IDO2: variants seen among roughly 807,000 people sequenced by gnomAD.
IDO2 encodes the protein indoleamine 2,3-dioxygenase 2.
IDO2 carries 46 observed loss-of-function variants against 45.1 expected under a neutral mutation model. The observed-to-expected ratio is 1.02, with a 90% CI of 0.80 to 1.30. The LOEUF (loss-of-function observed/expected upper bound fraction) is 1.30. IDO2 is among the 50% of genes most tolerant of loss of function. The probability of loss-of-function intolerance (pLI) is 0.00; values close to 1 mark genes in which losing one functional copy is unlikely to be tolerated. For missense variants in IDO2, 544 were observed against 491.8 expected (o/e 1.11, Z -1.00); for synonymous variants, 218 against 184.9 (o/e 1.18, Z -1.45).
At chr8:39,943,145 A>G (rs1421555102) in intron 1 of IDO2, among the ~76,000 whole-genome samples, 1 of 151,914 alleles carries the variant, frequency 6.6e-6, no homozygotes, top group Non-Finnish European at 1.5e-5. Flanking sequence ...AGGTGGGTGG[A>G]TCACTTGAGG....
chr8:39,986,671 GAGATAGATAGATAGATAGATAGATAGAT>G (rs56228406), intron 6 of IDO2, among the ~76,000 whole-genome samples: 1 of 143,578 alleles, frequency 7.0e-6, no homozygotes, highest in Non-Finnish European at 1.5e-5. Flanking sequence ...GTACAGCATT[GAGATAGATAGATAGATAGATAGATAGAT>G]AGATAGATAG....
chr8:40,016,168 G>T, exon 11 of IDO2: 2 of 396,962 alleles, frequency 5.0e-6, no homozygotes, highest in South Asian at 2.6e-4. Flanking sequence ...GTGTGAAAAT[G>T]AGCAGTTAAT....
chr8:40,012,722 C>G (rs1165993069), intron 9 of IDO2, among the ~76,000 whole-genome samples: 1 of 151,302 alleles, frequency 6.6e-6, no homozygotes, highest in African/African-American at 2.4e-5. Context: ...ATCAGGAAGA[C>G]AAAGGAGAGG....
At chr8:39,979,632 C>T (rs1055836632) in intron 4 of IDO2, among the ~76,000 whole-genome samples, 6 of 152,090 alleles carry the variant, frequency 3.9e-5, no homozygotes, top group African/African-American at 7.2e-5. Flanking sequence ...GGATTATAGG[C>T]GTGAGCCACT....
At chr8:39,987,765 C>A in intron 6 of IDO2, 106 bp from the exon 7 acceptor site, 1 of 655,908 alleles carries the variant, frequency 1.5e-6, no homozygotes, top group South Asian at 1.9e-5. Context: ...GAAAGTTGTG[C>A]AGTGATTCCA....
At chr8:40,000,153 CCTGTAATCCCAGCACT>C in intron 8 of IDO2, among the ~76,000 whole-genome samples, 1 of 152,216 alleles carries the variant, frequency 6.6e-6, no homozygotes, top group East Asian at 1.9e-4. Flanking sequence ...GTGGATCACA[CCTGTAATCCCAGCACT>C]CTGGGAGGCT....
intron 10 of IDO2, among the ~76,000 whole-genome samples, 161 bp from the exon 11 acceptor site, chr8:40,015,086 C>T (rs146701691): frequency 6.6e-6 from 1 of 151,776 alleles, no homozygotes; most frequent in East Asian, 1.9e-4. Flanking sequence ...AACTCAGGGG[C>T]AGAGGTGGCA....
At chr8:39,956,920 G>A (rs967400996) in intron 2 of IDO2, among the ~76,000 whole-genome samples, 17 of 151,496 alleles carry the variant, frequency 1.1e-4, no homozygotes, top group Non-Finnish European at 1.9e-4. Flanking sequence ...GTATACACCT[G>A]TAGTCCCAGC....
At chr8:39,969,129 T>G (rs1377182019) in intron 3 of IDO2, among the ~76,000 whole-genome samples, 1 of 152,200 alleles carries the variant, frequency 6.6e-6, no homozygotes, top group Non-Finnish European at 1.5e-5. Context: ...GCTTTACATG[T>G]AGTCATACCT....
chr8:39,935,437 G>A (rs1329092977), intron 1 of IDO2, among the ~76,000 whole-genome samples: 1 of 142,740 alleles, frequency 7.0e-6, no homozygotes, highest in African/African-American at 2.5e-5. Flanking sequence ...TGTTGTTGTT[G>A]TTGTTGTTGT....
chr8:39,949,791 T>C (rs984769904), intron 2 of IDO2, among the ~76,000 whole-genome samples: 3 of 152,198 alleles, frequency 2.0e-5, no homozygotes, highest in African/African-American at 7.2e-5. Context: ...TTAGTTTATC[T>C]TGACTTGCTA....
intron 2 of IDO2, among the ~76,000 whole-genome samples, chr8:39,959,120 T>G (rs2129593692): frequency 6.6e-6 from 1 of 151,984 alleles, no homozygotes; most frequent in East Asian, 1.9e-4. Context: ...GATTTTTTTT[T>G]TTTTTTTGAG....
intron 8 of IDO2, among the ~76,000 whole-genome samples, chr8:40,001,380 G>C (rs1166099360): frequency 6.6e-6 from 1 of 151,322 alleles, no homozygotes; most frequent in Non-Finnish European, 1.5e-5. Flanking sequence ...CTTCAGAGTA[G>C]CTGGGACTAC....
Position 39,970,336 on chromosome 8 carries a change from G to A in IDO2, c.195+6633G>A, listed in dbSNP as rs140899875. Among the ~76,000 whole-genome samples, 22 of 152,322 alleles carry A rather than the reference G, an allele frequency of 1.4e-4. 1 individual carries two copies. Among genetic ancestry groups the A allele is most frequent in the Admixed American group, 1.2e-3 (18 of 15,292 alleles). ...AGAAGCTGCAGCTAATTATCCAGAA[G>A]ATCCAGCTAAAATCATCAATGAAGG... On this transcript the variant is annotated intron_variant, in intron 3 of 10. Transcript: ENST00000502986.
At chr8:39,987,875 C>G in exon 7 of IDO2, 2 of 1,600,844 alleles carry the variant, frequency 1.2e-6, no homozygotes, top group Non-Finnish European at 8.5e-7. Flanking sequence ...CCCAAGGAAC[C>G]TGGAGACCAT....
chr8:39,936,554 C>T (rs1455554870), intron 1 of IDO2, among the ~76,000 whole-genome samples: 1 of 152,106 alleles, frequency 6.6e-6, no homozygotes, highest in African/African-American at 2.4e-5. Flanking sequence ...GCTGGTGGAT[C>T]CTCACACTGT....
intron 9 of IDO2, among the ~76,000 whole-genome samples, chr8:40,008,511 T>C (rs774156766): frequency 3.9e-5 from 6 of 152,214 alleles, no homozygotes; most frequent in Non-Finnish European, 5.9e-5. Flanking sequence ...ATTAATAACC[T>C]TAATTACACC....
intron 8 of IDO2, among the ~76,000 whole-genome samples, chr8:39,997,053 A>G (rs528353740): frequency 9.5e-4 from 145 of 152,364 alleles, no homozygotes; most frequent in Non-Finnish European, 1.7e-3. Flanking sequence ...AAAAGAAATC[A>G]TTTTAATAAA....
At chr8:40,013,769 T>TG in intron 10 of IDO2, 56 bp downstream of exon 10, 1 of 1,153,442 alleles carries the variant, frequency 8.7e-7, no homozygotes, top group Non-Finnish European at 1.1e-6. Context: ...GGAGAGGTGT[T>TG]TTTTTTTTTT....
Sources: allele counts gnomAD v4.1 joint callset (sites outside exome capture counted in the v4.1 genomes callset), GRCh38; gene constraint gnomAD v4.1.1; transcripts MANE v1.5; gene names NCBI Gene and HGNC (gene_info 2026-07-23, HGNC 2026-07-21).